Variants in NUDCD3 observed in about 807,000 individuals in gnomAD.
NUDCD3 encodes nudC domain-containing protein 3.
A neutral mutation model predicts 39.7 loss-of-function variants in NUDCD3; 13 were observed. That is an observed-to-expected ratio of 0.33 (90% CI 0.21 to 0.52). The LOEUF is 0.52. Ranked by LOEUF, NUDCD3 falls within the 20% of genes least tolerant of loss-of-function variation. The probability of loss-of-function intolerance (pLI) is 0.96; values close to 1 mark genes in which losing one functional copy is unlikely to be tolerated. For missense variants in NUDCD3, 453 were observed against 458.1 expected (o/e 0.99, Z 0.10); for synonymous variants, 175 against 172.4 (o/e 1.02, Z -0.12).
intron 2 of NUDCD3, among the ~76,000 whole-genome samples, chr7:44,439,077 C>T (rs901263711): frequency 1.3e-5 from 2 of 152,144 alleles, no homozygotes; most frequent in African/African-American, 2.4e-5. Flanking sequence ...CAAAAACATA[C>T]AGCAGGAGGA....
Position 44,384,195 on chromosome 7 carries a change from G to A in NUDCD3, c.*1816C>T, listed in dbSNP as rs564396607. On this transcript the variant is annotated 3_prime_UTR_variant, in exon 6 of 6. Coordinates refer to ENST00000355451, the MANE Select transcript of NUDCD3 (RefSeq NM_015332.4). ...TGGGGGCTGCAATGGGGGCCAACTC[G>A]GGAACTATAGAGAAGAGAGGAGACA... 5 of 152,360 alleles carry A rather than the reference G, an allele frequency of 3.3e-5. No homozygotes were observed. The highest frequency in any genetic ancestry group is 2.1e-4 in the South Asian group (1 of 4,824). 9.4% of individuals were successfully genotyped at this position (152,360 alleles called of 1,614,324 possible). A position where few individuals can be genotyped will look rare whatever the true frequency, so the allele number is the denominator to read the frequency against.
At chr7:44,402,687 C>G (rs1226583266) in intron 4 of NUDCD3, 3 of 456,598 alleles carry the variant, frequency 6.6e-6, no homozygotes, top group African/African-American at 6.0e-5. Flanking sequence ...GCATCGTGAC[C>G]TGCTCCATGA....
At chr7:44,404,988 G>C (rs2116875214) in intron 3 of NUDCD3, among the ~76,000 whole-genome samples, 1 of 152,268 alleles carries the variant, frequency 6.6e-6, no homozygotes, top group South Asian at 2.1e-4. Context: ...CTGGACCACA[G>C]CAACCAAGAA....
intron 2 of NUDCD3, among the ~76,000 whole-genome samples, chr7:44,430,554 C>CCACACACACACACACA (rs748912083): frequency 5.0e-5 from 7 of 140,772 alleles, no homozygotes; most frequent in South Asian, 2.2e-4. Flanking sequence ...AATAAAATAC[C>CCACACACACACACACA]CACACACACA....
chr7:44,468,405 T>C, intron 2 of NUDCD3: 7 of 913,364 alleles, frequency 7.7e-6, no homozygotes, highest in Non-Finnish European at 1.1e-5. Context: ...GACGAAAGAA[T>C]TTGTTTGTTC....
intron 3 of NUDCD3, among the ~76,000 whole-genome samples, chr7:44,422,495 A>G (rs1799160578): frequency 6.6e-6 from 1 of 152,240 alleles, no homozygotes; most frequent in African/African-American, 2.4e-5. Flanking sequence ...ACCATCAGAG[A>G]ATACTATAAA....
intron 2 of NUDCD3, among the ~76,000 whole-genome samples, chr7:44,449,306 A>T (rs1413812759): frequency 2.0e-5 from 3 of 152,254 alleles, no homozygotes; most frequent in Non-Finnish European, 2.9e-5. Flanking sequence ...AGTTGATGGC[A>T]TCAAATATCA....
At position 44,489,725 on chromosome 7, in the gene NUDCD3, T is replaced by TATAA. The variant is rs1554497423; in HGVS notation, c.192+683_192+684insTTAT. The stretch of plus-strand genomic sequence containing the variant: ...ACTTTCTGGGTTTTCTCTCTTTAAC[T>TATAA]GTGTCACAAGGAGAGAGAAACCATT... On this transcript the variant is annotated intron_variant, in intron 1 of 5. Transcript: ENST00000355451. 2.0e-5 allele frequency: 3 copies of TATAA among 152,184 alleles called. No individual in the cohort carries two copies. In the East Asian group the frequency reaches 5.8e-4, roughly 29 times the overall value. The allele number at this position is 152,184 out of a possible 1,614,324, so 9.4% of individuals were successfully genotyped here.
At chr7:44,397,568 G>A (rs1050774623) in intron 4 of NUDCD3, among the ~76,000 whole-genome samples, 4 of 152,026 alleles carry the variant, frequency 2.6e-5, no homozygotes, top group Non-Finnish European at 4.4e-5. Flanking sequence ...GAATCATGAC[G>A]TTAAGCTTCT....
intron 3 of NUDCD3, among the ~76,000 whole-genome samples, chr7:44,416,293 T>G (rs1051392190): frequency 7.9e-5 from 12 of 151,976 alleles, no homozygotes; most frequent in Non-Finnish European, 1.3e-4. Context: ...TTCACCATGA[T>G]GCCCAGGCTG....
At chr7:44,432,504 G>A (rs1231195901) in intron 2 of NUDCD3, among the ~76,000 whole-genome samples, 1 of 152,196 alleles carries the variant, frequency 6.6e-6, no homozygotes, top group African/African-American at 2.4e-5. Context: ...CTGACTAAAG[G>A]CAAGGTTTGG....
At chr7:44,448,298 C>G (rs1799723888) in intron 2 of NUDCD3, among the ~76,000 whole-genome samples, 1 of 152,196 alleles carries the variant, frequency 6.6e-6, no homozygotes, top group Non-Finnish European at 1.5e-5. Flanking sequence ...GGCAAGTCCT[C>G]TAAGAGCCAG....
At chr7:44,426,029 G>T in intron 3 of NUDCD3, 1 of 620,824 alleles carries the variant, frequency 1.6e-6, no homozygotes, top group Non-Finnish European at 2.0e-6. Flanking sequence ...TATAGGACAT[G>T]GCTCCCTGCT....
intron 2 of NUDCD3, among the ~76,000 whole-genome samples, chr7:44,479,288 A>G (rs1458160291): frequency 6.6e-6 from 1 of 152,220 alleles, no homozygotes; most frequent in Non-Finnish European, 1.5e-5. Flanking sequence ...CCAAAGTCAT[A>G]AACTGTATTC....
chr7:44,399,528 C>G (rs1009946256), intron 4 of NUDCD3, among the ~76,000 whole-genome samples: 1 of 152,170 alleles, frequency 6.6e-6, no homozygotes, highest in African/African-American at 2.4e-5. Flanking sequence ...GAAAGTGGCT[C>G]GCCAATGAGG....
At chr7:44,455,207 G>C (rs1245532911) in intron 2 of NUDCD3, among the ~76,000 whole-genome samples, 5 of 151,768 alleles carry the variant, frequency 3.3e-5, no homozygotes, top group Non-Finnish European at 7.4e-5. Flanking sequence ...CCAACTGTCT[G>C]CTGGTCACTT....
rs78369419 is a variant in NUDCD3 at position 44,397,930 on chromosome 7, C to T, written c.787-5445G>A. On this transcript the variant is annotated intron_variant, in intron 4 of 5. Coordinates refer to ENST00000355451, the MANE Select transcript of NUDCD3 (RefSeq NM_015332.4). ...TCTAGGACATTTCCACAGCCTTTTT[C>T]CTCCCCTGACATCTCCTGATTAACT... Among the ~76,000 whole-genome samples, 44 of 152,138 alleles carry T rather than the reference C, an allele frequency of 2.9e-4. No individual in the cohort carries two copies. In the East Asian group the frequency reaches 7.9e-3, roughly 27 times the overall value.
chr7:44,490,219 A>G lies in NUDCD3; in HGVS notation c.192+190T>C, dbSNP rs1800704730. On this transcript the variant is annotated intron_variant, in intron 1 of 5. Coordinates refer to ENST00000355451, the MANE Select transcript of NUDCD3 (RefSeq NM_015332.4). ...ACTTCTGAAACCTCAGGACGTCCGG[A>G]GCGAACACCTCAGCGGAATAAGCTG... 3 of 588,838 alleles carry G rather than the reference A, an allele frequency of 5.1e-6. No individual in the cohort carries two copies. In the East Asian group the frequency reaches 9.4e-5, roughly 18 times the overall value. The allele number at this position is 588,838 out of a possible 1,614,324, so 36.5% of individuals were successfully genotyped here. A position where few individuals can be genotyped will look rare whatever the true frequency, so the allele number is the denominator to read the frequency against.
chr7:44,450,643 T>TA (rs139441561), intron 2 of NUDCD3, among the ~76,000 whole-genome samples: 2,372 of 147,246 alleles, frequency 0.016, 23 homozygotes, highest in Non-Finnish European at 0.02. Flanking sequence ...AAATGTTAAT[T>TA]AAAAAAAAAA....
Sources: allele counts gnomAD v4.1 joint callset (sites outside exome capture counted in the v4.1 genomes callset), GRCh38; gene constraint gnomAD v4.1.1; transcripts MANE v1.5; gene names NCBI Gene and HGNC (gene_info 2026-07-23, HGNC 2026-07-21).